CADPS2: variants seen among roughly 807,000 people sequenced by gnomAD.
CADPS2 encodes calcium dependent secretion activator 2.
Under a neutral mutation model 172.5 loss-of-function variants are expected in CADPS2, and 93 were observed. The observed-to-expected ratio is 0.54, with a 90% CI of 0.46 to 0.64. CADPS2 has a LOEUF of 0.64. CADPS2 is among the 30% of genes least tolerant of loss of function. The pLI, the probability that CADPS2 is intolerant of heterozygous loss-of-function variation, is 0.00. For synonymous variants in CADPS2, 546 were observed against 555.2 expected (o/e 0.98, Z 0.23); for missense variants, 1,420 against 1,565.9 (o/e 0.91, Z 1.57).
intron 4 of CADPS2, among the ~76,000 whole-genome samples, chr7:122,625,081 G>A (rs905615730): frequency 2.0e-5 from 3 of 151,014 alleles, no homozygotes; most frequent in Admixed American, 6.6e-5. Context: ...ACAGAGTTTC[G>A]CTCTTGTTGC....
intron 1 of CADPS2, among the ~76,000 whole-genome samples, chr7:122,851,182 G>C (rs1813491282): frequency 6.6e-6 from 1 of 152,184 alleles, no homozygotes; most frequent in African/African-American, 2.4e-5. Context: ...AGAAGGCAGG[G>C]AGCACTCTCA....
At chr7:122,698,950 C>G (rs773030210) in intron 2 of CADPS2, 37 of 1,469,282 alleles carry the variant, frequency 2.5e-5, no homozygotes, top group Non-Finnish European at 3.4e-5. Context: ...TAAGAACCAA[C>G]CTAACAGTTG....
At chr7:122,404,423 T>C (rs1430918541) in intron 20 of CADPS2, among the ~76,000 whole-genome samples, 2 of 152,126 alleles carry the variant, frequency 1.3e-5, no homozygotes, top group Non-Finnish European at 2.9e-5. Context: ...TCCAAGTCTT[T>C]GCTATTGTGA....
chr7:122,460,679 G>T (rs1483414523), intron 14 of CADPS2, among the ~76,000 whole-genome samples: 1 of 152,016 alleles, frequency 6.6e-6, no homozygotes, highest in Non-Finnish European at 1.5e-5. Flanking sequence ...AGAAAATTCA[G>T]TTATTTGAAA....
chr7:122,870,849 A>G (rs2141484414), intron 1 of CADPS2, among the ~76,000 whole-genome samples: 1 of 152,170 alleles, frequency 6.6e-6, no homozygotes, highest in African/African-American at 2.4e-5. Context: ...ATATTGCCTC[A>G]ATATTTGTTG....
At chr7:122,742,933 A>G (rs1446146681) in intron 1 of CADPS2, among the ~76,000 whole-genome samples, 1 of 152,102 alleles carries the variant, frequency 6.6e-6, no homozygotes, top group East Asian at 1.9e-4. Flanking sequence ...CTGCCATTAT[A>G]TATACTCCTT....
Position 122,645,550 on chromosome 7 carries a change from ATACT to A in CADPS2, c.787-16226_787-16223del, listed in dbSNP as rs1291635033. Among the ~76,000 whole-genome samples the A allele has an allele frequency of 7.8e-5, 10 of 128,370 alleles. No homozygotes were observed. In the South Asian group the frequency reaches 1.8e-3, roughly 23 times the overall value. The allele number at this position is 128,370 out of a possible 152,430, so 84.2% of individuals were successfully genotyped here. ...TAAGTATATATATATACTTATATATATACTTAGAGAATATATATGCATATTCTCT... is the reference window on the plus strand; with the variant it reads ...TAAGTATATATATATACTTATATATATAGAGAATATATATGCATATTCTCT... On this transcript the variant is annotated intron_variant, in intron 3 of 29. Transcript: ENST00000449022.
intron 1 of CADPS2, among the ~76,000 whole-genome samples, chr7:122,742,162 A>G (rs1366509579): frequency 6.6e-6 from 1 of 152,078 alleles, no homozygotes; most frequent in Non-Finnish European, 1.5e-5. Flanking sequence ...AGGTCAAGGC[A>G]GGCGGATCAC....
At chr7:122,813,481 G>A (rs988731376) in intron 1 of CADPS2, among the ~76,000 whole-genome samples, 20 of 151,928 alleles carry the variant, frequency 1.3e-4, no homozygotes, top group Non-Finnish European at 2.1e-4. Context: ...TACCATCAAC[G>A]GAGTGTTTAT....
At chr7:122,541,672 T>C (rs2062991219) in intron 8 of CADPS2, among the ~76,000 whole-genome samples, 1 of 146,240 alleles carries the variant, frequency 6.8e-6, no homozygotes, top group African/African-American at 2.5e-5. Context: ...TATTCATATA[T>C]GTTTATATAT....
chr7:122,643,443 C>G (rs1197626363), intron 3 of CADPS2, among the ~76,000 whole-genome samples: 1 of 152,192 alleles, frequency 6.6e-6, no homozygotes, highest in Non-Finnish European at 1.5e-5. Context: ...TTCTAGGCTT[C>G]AGAGTGTCTG....
chr7:122,861,451 ATTTG>A (rs1017225332), intron 1 of CADPS2, among the ~76,000 whole-genome samples: 2 of 152,088 alleles, frequency 1.3e-5, no homozygotes, highest in African/African-American at 2.4e-5. Context: ...AAATTGGATT[ATTTG>A]TTTGTTATTG....
chr7:122,544,552 G>A (rs1212488505), intron 8 of CADPS2, among the ~76,000 whole-genome samples: 1 of 152,106 alleles, frequency 6.6e-6, no homozygotes, highest in African/African-American at 2.4e-5. Context: ...CTGGCTAGCT[G>A]GCTTTGTTCA....
intron 29 of CADPS2, among the ~76,000 whole-genome samples, chr7:122,321,963 T>G (rs547135354): frequency 6.6e-6 from 1 of 152,210 alleles, no homozygotes; most frequent in Non-Finnish European, 1.5e-5. Context: ...TCATTCTAAG[T>G]CATAAGTTAT....
chr7:122,721,826 C>CA (rs1174887390), intron 2 of CADPS2, among the ~76,000 whole-genome samples: 1 of 152,122 alleles, frequency 6.6e-6, no homozygotes, highest in Admixed American at 6.6e-5. Flanking sequence ...AGCAGCATAT[C>CA]AAAAAGCTTA....
chr7:122,578,018 G>GT (rs1460174809), intron 7 of CADPS2, among the ~76,000 whole-genome samples: 3 of 150,896 alleles, frequency 2.0e-5, no homozygotes, highest in East Asian at 2.0e-4. Context: ...ATCATGTAAG[G>GT]TTTTTTCTTT....
At chr7:122,482,613 T>C (rs1392167894) in intron 11 of CADPS2, among the ~76,000 whole-genome samples, 1 of 152,170 alleles carries the variant, frequency 6.6e-6, no homozygotes, top group Non-Finnish European at 1.5e-5. Flanking sequence ...CGCTGCACGT[T>C]GGGCAACGTG....
chr7:122,633,874 G>A (rs1193306553), intron 3 of CADPS2, among the ~76,000 whole-genome samples: 2 of 152,182 alleles, frequency 1.3e-5, no homozygotes, highest in Admixed American at 6.5e-5. Flanking sequence ...TCAATACCTA[G>A]CCTGTTGAAG....
intron 1 of CADPS2, among the ~76,000 whole-genome samples, chr7:122,747,693 G>T (rs2092775389): frequency 6.6e-6 from 1 of 152,082 alleles, no homozygotes. Flanking sequence ...GCAGAACCAG[G>T]TATATCTGAC....
Sources: allele counts gnomAD v4.1 joint callset (sites outside exome capture counted in the v4.1 genomes callset), GRCh38; gene constraint gnomAD v4.1.1; transcripts MANE v1.5; gene names NCBI Gene and HGNC (gene_info 2026-07-23, HGNC 2026-07-21).